Variants in ANKRD30A observed in about 807,000 individuals in gnomAD.
The protein encoded by ANKRD30A is ankyrin repeat domain 30A.
Under a neutral mutation model 166.3 loss-of-function variants are expected in ANKRD30A, and 170 were observed. The observed-to-expected ratio is 1.02, with a 90% CI of 0.90 to 1.16. The LOEUF is 1.16. Among genes scored for constraint, ANKRD30A ranks in the 50% most tolerant of loss-of-function variants. The probability of loss-of-function intolerance (pLI) is 0.00; values close to 1 mark genes in which losing one functional copy is unlikely to be tolerated. For missense variants in ANKRD30A, 1,630 were observed against 1,518.0 expected (o/e 1.07, Z -1.23); for synonymous variants, 564 against 508.9 (o/e 1.11, Z -1.46).
At chr10:37,264,842 C>A in the ANKRD30A span, among the ~76,000 whole-genome samples, 2 of 152,160 alleles carry the variant, frequency 1.3e-5, no homozygotes, top group Non-Finnish European at 1.5e-5. Context: ...AATGGCATTT[C>A]AAATTTAAAG....
chr10:37,197,192 G>A, intron 27 of ANKRD30A, 89 bp from the exon 28 acceptor site: 6 of 1,535,614 alleles, frequency 3.9e-6, no homozygotes, highest in Non-Finnish European at 5.4e-6. Flanking sequence ...TGGAGCAAGA[G>A]GAGTCAGTTA....
intron 13 of ANKRD30A, among the ~76,000 whole-genome samples, chr10:37,154,095 A>C (rs1480847874): frequency 1.3e-5 from 2 of 152,162 alleles, no homozygotes; most frequent in African/African-American, 4.8e-5. Context: ...CTAGTATCAA[A>C]ATTTACCAGA....
intron 10 of ANKRD30A, 35 bp downstream of exon 10, chr10:37,149,714 A>G (rs1260020189): frequency 1.2e-6 from 2 of 1,611,978 alleles, no homozygotes; most frequent in Admixed American, 1.7e-5. Context: ...TGAATGACTT[A>G]TTAATTATGT....
At chr10:37,190,319 G>A (rs984137322) in intron 25 of ANKRD30A, among the ~76,000 whole-genome samples, 23 of 151,788 alleles carry the variant, frequency 1.5e-4, no homozygotes, top group Non-Finnish European at 3.1e-4. Context: ...GTTGCAAGAG[G>A]AGAGGCCTTT....
downstream of ANKRD30A, chr10:37,232,618 C>T: frequency 8.3e-6 from 1 of 121,170 alleles, no homozygotes; most frequent in Admixed American, 9.6e-5. Flanking sequence ...AAAATGATGC[C>T]AGCAATGACA....
chr10:37,162,319 T>C (rs948872794), intron 15 of ANKRD30A, among the ~76,000 whole-genome samples: 5 of 152,172 alleles, frequency 3.3e-5, no homozygotes, highest in African/African-American at 4.8e-5. Context: ...ATAATATAAG[T>C]GATTCTAATG....
At position 37,219,564 on chromosome 10, in the gene ANKRD30A, A is replaced by G. The variant is rs1485681911; in HGVS notation, c.3852A>G (p.Ala1284=). The part of the protein sequence containing the change: ...LRENTLVSEH[A]QRDQRETQCQ... ...AAAATACATTGGTTTCAGAACATGCACAAAGAGACCAACGTGAAACACAGT... is the reference window on the plus strand; with the variant it reads ...AAAATACATTGGTTTCAGAACATGCGCAAAGAGACCAACGTGAAACACAGT... Residue 1284 remains alanine, a synonymous_variant, in exon 34 of 36, where the codon GCA becomes GCG. Transcript: ENST00000361713. 2.5e-6 allele frequency: 4 copies of G among 1,610,310 alleles called. No homozygotes were observed. Among genetic ancestry groups the G allele is most frequent in the Non-Finnish European group, 3.4e-6 (4 of 1,177,750 alleles).
the ANKRD30A span, among the ~76,000 whole-genome samples, chr10:37,243,725 C>T: frequency 6.6e-6 from 1 of 152,086 alleles, no homozygotes; most frequent in Non-Finnish European, 1.5e-5. Flanking sequence ...AGAAACATCA[C>T]TGAACTTCTA....
intron 31 of ANKRD30A, among the ~76,000 whole-genome samples, chr10:37,204,642 T>G (rs780226517): frequency 1.8e-4 from 28 of 152,054 alleles, no homozygotes; most frequent in Non-Finnish European, 2.6e-4. Flanking sequence ...CTAAAGAGCT[T>G]CTTCTGCACA....
At chr10:37,126,847 A>G (rs1836051414) in intron 1 of ANKRD30A, among the ~76,000 whole-genome samples, 1 of 152,092 alleles carries the variant, frequency 6.6e-6, no homozygotes, top group South Asian at 2.1e-4. Flanking sequence ...CAGGAGTTCA[A>G]GATCAGCCTG....
chr10:37,133,864 A>G, intron 4 of ANKRD30A, 52 bp from the exon 5 acceptor site: 1 of 1,591,036 alleles, frequency 6.3e-7, no homozygotes, highest in Non-Finnish European at 8.6e-7. Context: ...TGACAGGCAC[A>G]TATTAAATTG....
At chr10:37,254,683 C>CTTTTTTTTTTT in the ANKRD30A span, among the ~76,000 whole-genome samples, 41 of 126,526 alleles carry the variant, frequency 3.2e-4, no homozygotes, top group Admixed American at 4.0e-4. Context: ...CTTTTCTTTT[C>CTTTTTTTTTTT]TTTTTTTTTT....
chr10:37,178,003 A>G (rs1320896071), intron 24 of ANKRD30A, among the ~76,000 whole-genome samples: 1 of 150,792 alleles, frequency 6.6e-6, no homozygotes, highest in Non-Finnish European at 1.5e-5. Context: ...AAAATGAGAA[A>G]ATAAGAAAGA....
intron 31 of ANKRD30A, 122 bp from the exon 32 acceptor site, chr10:37,216,059 G>T: frequency 8.7e-4 from 427 of 490,838 alleles, no homozygotes; most frequent in Middle Eastern, 2.6e-3. Context: ...TTAGTATAAT[G>T]CCTTCCACGT....
At chr10:37,205,020 C>T (rs2132704531) in intron 31 of ANKRD30A, among the ~76,000 whole-genome samples, 1 of 152,230 alleles carries the variant, frequency 6.6e-6, no homozygotes, top group Non-Finnish European at 1.5e-5. Context: ...ACTAGTTCAA[C>T]CATTGTGGAA....
intron 12 of ANKRD30A, 96 bp downstream of exon 12, chr10:37,152,217 T>G (rs1838002454): frequency 9.9e-7 from 1 of 1,006,942 alleles, no homozygotes; most frequent in African/African-American, 1.6e-5. Context: ...CCTCTTCATA[T>G]GTCACCCCGA....
intron 12 of ANKRD30A, among the ~76,000 whole-genome samples, chr10:37,153,106 A>C (rs1838079573): frequency 6.6e-6 from 1 of 152,108 alleles, no homozygotes; most frequent in Non-Finnish European, 1.5e-5. Context: ...CAGACTCTAA[A>C]AGTTCTCTTC....
At chr10:37,194,083 C>T (rs1344193444) in intron 27 of ANKRD30A, among the ~76,000 whole-genome samples, 2 of 152,014 alleles carry the variant, frequency 1.3e-5, no homozygotes, top group Non-Finnish European at 2.9e-5. Flanking sequence ...GTCATCTCAG[C>T]TACTCTGGAG....
chr10:37,130,455 T>C, intron 3 of ANKRD30A, 77 bp downstream of exon 3: 1 of 1,173,628 alleles, frequency 8.5e-7, no homozygotes, highest in Non-Finnish European at 1.1e-6. Context: ...AGGTTTTTTA[T>C]ATTTGGAAGC....
Sources: allele counts gnomAD v4.1 joint callset (sites outside exome capture counted in the v4.1 genomes callset), GRCh38; gene constraint gnomAD v4.1.1; transcripts MANE v1.5; gene names NCBI Gene and HGNC (gene_info 2026-07-23, HGNC 2026-07-21).